Variants in ICE2 observed in about 807,000 individuals in gnomAD.
ICE2 encodes the protein interactor of little elongation complex ELL subunit 2.
In ICE2, 87 loss-of-function variants were observed where a neutral mutation model predicts 105.4. The observed-to-expected ratio is 0.83, with a 90% CI of 0.69 to 0.99. ICE2 has a LOEUF of 0.99. ICE2 is among the 50% of genes least tolerant of loss of function. The probability of loss-of-function intolerance (pLI) is 0.00; values close to 1 mark genes in which losing one functional copy is unlikely to be tolerated. For missense variants in ICE2, 1,323 were observed against 1,146.7 expected, an observed-to-expected ratio of 1.15 and a Z score of -2.22; for synonymous variants, 399 against 392.0, an observed-to-expected ratio of 1.02 and a Z score of -0.21.
At chr15:60,437,199 G>A (rs552594194) in intron 12 of ICE2, among the ~76,000 whole-genome samples, 18 of 151,960 alleles carry the variant, frequency 1.2e-4, no homozygotes, top group Non-Finnish European at 2.5e-4. Flanking sequence ...AGGTTGCAGT[G>A]AGCCGATACA....
chr15:60,442,174 C>A (rs1210221533), intron 12 of ICE2: 1 of 344,674 alleles, frequency 2.9e-6, no homozygotes, highest in Non-Finnish European at 5.2e-6. Context: ...ATGCCTGCAG[C>A]CCCAGCTACT....
intron 3 of ICE2, among the ~76,000 whole-genome samples, chr15:60,472,982 C>G (rs952649626): frequency 6.6e-6 from 1 of 151,682 alleles, no homozygotes; most frequent in Admixed American, 6.6e-5. Flanking sequence ...GGGTCTTGCT[C>G]TGTTGTCCAG....
At chr15:60,441,154 T>A (rs974443850) in intron 12 of ICE2, 6 of 152,180 alleles carry the variant, frequency 3.9e-5, no homozygotes, top group African/African-American at 1.4e-4. Context: ...ATGTTGAGAT[T>A]GTTGGTGTGA....
intron 9 of ICE2, chr15:60,451,286 TAC>T (rs1411993772): frequency 4.2e-6 from 3 of 715,006 alleles, no homozygotes; most frequent in Non-Finnish European, 5.1e-6. Flanking sequence ...ACTACAAAGA[TAC>T]ACTTTTTCCC....
chr15:60,432,057 CA>C, intron 13 of ICE2, 73 bp from the exon 14 acceptor site: 11 of 722,750 alleles, frequency 1.5e-5, no homozygotes, highest in Non-Finnish European at 2.4e-6. Context: ...GCTCCTCAGG[CA>C]GAGAAATGCC....
At chr15:60,470,883 A>G (rs771188740) in intron 3 of ICE2, among the ~76,000 whole-genome samples, 11 of 152,122 alleles carry the variant, frequency 7.2e-5, no homozygotes, top group Non-Finnish European at 1.2e-4. Context: ...TAAAGGAGGT[A>G]TCTTATTTCT....
chr15:60,424,056 A>T (rs185925125), intron 15 of ICE2, among the ~76,000 whole-genome samples: 2 of 152,334 alleles, frequency 1.3e-5, no homozygotes, highest in Admixed American at 1.3e-4. Context: ...ATAAATTAGA[A>T]ATCAAGGGAA....
chr15:60,436,156 G>A lies in ICE2; in HGVS notation c.2497C>T (p.Leu833Phe), dbSNP rs2063581741. ...AAACTTTCTTACTTGAGTGCTGAAA[G>A]CTTTTCTTTTAATTCTTCTGAGGTA... is the stretch of plus-strand genomic sequence containing the variant. ...EITSEELKEK[L>F]SALKISNLFN... is the part of the protein sequence containing the mutation. The change falls in exon 13 of 16, where the codon CTT becomes TTT. Residue 833 changes from leucine to phenylalanine, a missense_variant. Coordinates refer to ENST00000261520, the MANE Select transcript of ICE2 (RefSeq NM_024611.6). 1 of 1,442,328 alleles carries A rather than the reference G, an allele frequency of 6.9e-7. No homozygotes were observed. The highest frequency in any genetic ancestry group is 9.3e-7 in the Non-Finnish European group (1 of 1,069,956). The allele number at this position is 1,442,328 out of a possible 1,614,324, so 89.3% of individuals were successfully genotyped here. A position where few individuals can be genotyped will look rare whatever the true frequency, so the allele number is the denominator to read the frequency against.
chr15:60,451,051 G>A (rs2063953932), intron 9 of ICE2: 1 of 465,246 alleles, frequency 2.1e-6, no homozygotes. Flanking sequence ...ATATAGAAAA[G>A]GGAGAAATGC....
At chr15:60,437,342 C>G (rs2063617327) in intron 12 of ICE2, among the ~76,000 whole-genome samples, 1 of 149,804 alleles carries the variant, frequency 6.7e-6, no homozygotes, top group Non-Finnish European at 1.5e-5. Context: ...CCAAGTTTTA[C>G]TTTTTTTTTG....
intron 14 of ICE2, among the ~76,000 whole-genome samples, 172 bp from the exon 15 acceptor site, chr15:60,428,859 T>C (rs1289537381): frequency 1.3e-5 from 2 of 152,228 alleles, no homozygotes; most frequent in African/African-American, 2.4e-5. Flanking sequence ...ATTTTTATGC[T>C]TTTTAGGCAA....
At position 60,442,450 on chromosome 15, in the gene ICE2, TTC is replaced by T. The variant is rs1300774454; in HGVS notation, c.2389_2390del (p.Glu797LysfsTer46). ...ATGAGCTGTTGGAATGCAATAAACTTTCAGTCCATAAGCGACAAAGTTCACTT... is the reference window on the plus strand; with the variant it reads ...ATGAGCTGTTGGAATGCAATAAACTTAGTCCATAAGCGACAAAGTTCACTT... ...TESELCRLWT[E>X]SLLHSNSSFY... On this transcript the variant is annotated frameshift_variant, in exon 12 of 16. Coordinates refer to ENST00000261520, the MANE Select transcript of ICE2 (RefSeq NM_024611.6). LOFTEE classifies it high-confidence loss of function. The T allele has an allele frequency of 6.3e-7, 1 of 1,595,440 alleles. No homozygotes were observed. The highest frequency in any genetic ancestry group is 2.3e-5 in the East Asian group (1 of 44,154).
At chr15:60,471,241 TA>T (rs1026491014) in intron 3 of ICE2, among the ~76,000 whole-genome samples, 1 of 151,584 alleles carries the variant, frequency 6.6e-6, no homozygotes, top group East Asian at 1.9e-4. Context: ...ATAACACAGG[TA>T]AAAAAAAGAC....
intron 14 of ICE2, 38 bp from the exon 15 acceptor site, chr15:60,428,725 TG>T (rs2063391518): frequency 6.3e-7 from 1 of 1,589,710 alleles, no homozygotes; most frequent in African/African-American, 1.3e-5. Context: ...ACTGGCTCAC[TG>T]TGTCAATTTC....
intron 11 of ICE2, chr15:60,445,674 T>A: frequency 1.0e-6 from 1 of 985,216 alleles, no homozygotes; most frequent in Non-Finnish European, 1.2e-6. Flanking sequence ...CTTAGTCAAG[T>A]GAATTACAAT....
At position 60,449,210 on chromosome 15, in the gene ICE2, T is replaced by A; in HGVS notation, c.1757A>T (p.Asn586Ile). 6.2e-7 allele frequency: 1 copy of A among 1,614,058 alleles called. No individual in the cohort carries two copies. The change falls in exon 10 of 16, where the codon AAT (asparagine) becomes ATT (isoleucine). Residue 586 changes from asparagine (N) to isoleucine (I), a missense_variant. Transcript: ENST00000261520. Reference protein sequence around the residue: ...ECLIIDTECKNNSDGKTAVVG... With the variant: ...ECLIIDTECKINSDGKTAVVG... The stretch of plus-strand genomic sequence containing the variant: ...AACAGCTGTCTTTCCATCACTATTA[T>A]TTTTACATTCTGTATCAATGATTAA...
Position 60,478,037 on chromosome 15 carries a change from C to T in ICE2, c.-60G>A, listed in dbSNP as rs558125248. On this transcript the variant is annotated 5_prime_UTR_variant, in exon 2 of 16. Transcript: ENST00000261520. Reference sequence around the variant, plus strand: ...TCACAGCTGCCTGGCTGCGAAGGCTCCAAGAGGCAGGATCCCTCCAGAACT... The same window carrying T: ...TCACAGCTGCCTGGCTGCGAAGGCTTCAAGAGGCAGGATCCCTCCAGAACT... The T allele has an allele frequency of 2.0e-6, 3 of 1,502,386 alleles. No homozygotes were observed. Among genetic ancestry groups the T allele is most frequent in the East Asian group, 4.5e-5 (2 of 44,378 alleles). 93.1% of individuals were successfully genotyped at this position (1,502,386 alleles called of 1,614,324 possible). A position where few individuals can be genotyped will look rare whatever the true frequency, so the allele number is the denominator to read the frequency against.
At chr15:60,461,651 T>C (rs917562867) in intron 5 of ICE2, among the ~76,000 whole-genome samples, 1 of 152,202 alleles carries the variant, frequency 6.6e-6, no homozygotes, top group Non-Finnish European at 1.5e-5. Flanking sequence ...TATTGTTATT[T>C]TGAGGCTGTT....
In ICE2 at chr15:60,443,608, A is replaced by G. The variant is rs141089284; in HGVS notation, c.2296-1063T>C. Among the ~76,000 whole-genome samples the G allele has an allele frequency of 9.0e-3, 1,366 of 152,366 alleles. 9 individuals are homozygous for G. Among genetic ancestry groups the G allele is most frequent in the Admixed American group, 0.013 (206 of 15,302 alleles). On this transcript the variant is annotated intron_variant, in intron 11 of 15. Coordinates refer to ENST00000261520, the MANE Select transcript of ICE2 (RefSeq NM_024611.6). ...GGGGTGGAGCCCAAGATTTTACATT[A>G]ATAACAAGCTATTGTTCCAGGGACC...
Sources: gnomAD v4.1 joint callset for allele counts (sites outside exome capture counted in the v4.1 genomes callset) on GRCh38, gnomAD v4.1.1 for gene constraint, MANE v1.5 for transcripts, NCBI Gene and HGNC (gene_info 2026-07-23, HGNC 2026-07-21) for gene names.